The following OR11G2 variants were observed in gnomAD, a reference collection of about 807,000 sequenced individuals.
OR11G2 encodes the protein olfactory receptor 11G2.
Under a neutral mutation model 0.9 loss-of-function variants are expected in OR11G2, and 2 were observed. The observed-to-expected ratio is 2.35, with a 90% CI of 0.96 to 7.38. The LOEUF is 7.38. OR11G2 is among the 30% of genes most tolerant of loss of function. The pLI, the probability that OR11G2 is intolerant of heterozygous loss-of-function variation, is 0.05. For missense variants in OR11G2, 395 were observed against 371.3 expected (o/e 1.06, Z -0.52); for synonymous variants, 153 against 142.0 (o/e 1.08, Z -0.55).
intron 1 of OR11G2, among the ~76,000 whole-genome samples, chr14:20,196,243 T>C (rs1462432160): frequency 6.6e-6 from 1 of 152,238 alleles, no homozygotes; most frequent in African/African-American, 2.4e-5. Flanking sequence ...TTTTCTTGTA[T>C]CTGCTTTTTC....
rs370551188 is a variant in OR11G2, at chr14:20,197,818, C to T, written c.381C>T (p.Tyr127=). 12 of 1,613,932 alleles carry T rather than the reference C, an allele frequency of 7.4e-6. No homozygotes were observed. The South Asian group carries it at 1.2e-4, about 16-fold the overall frequency. Residue 127 remains tyrosine, a synonymous_variant, in exon 2 of 2, where the codon TAC becomes TAT. Coordinates refer to ENST00000641879, the MANE Select transcript of OR11G2 (RefSeq NM_001386033.1). ...TGGCAGTTATGGCATTTGATCGATA[C>T]CTTGCCATCTGTCGGCCTCTACGCT... is the stretch of plus-strand genomic sequence containing the variant. ...FFLAVMAFDR[Y]LAICRPLRYP...
intron 1 of OR11G2, 129 bp from the exon 2 acceptor site, chr14:20,197,305 T>C (rs1220008362): frequency 4.0e-6 from 5 of 1,242,356 alleles, no homozygotes; most frequent in Non-Finnish European, 5.6e-6. Context: ...TTCTGTTTTT[T>C]ACTTTTTACT....
Position 20,192,237 on chromosome 14 carries a change from C to T in OR11G2, c.-5+571C>T, listed in dbSNP as rs139543529. ...GAGAGACAAATGCAACAAACATCACCTCTAGATCCATAAAGTCTTCATATC... is the reference window on the plus strand; with the variant it reads ...GAGAGACAAATGCAACAAACATCACTTCTAGATCCATAAAGTCTTCATATC... On this transcript the variant is annotated intron_variant, in intron 1 of 1. Coordinates refer to ENST00000641879, the MANE Select transcript of OR11G2 (RefSeq NM_001386033.1). Among the ~76,000 whole-genome samples, 183 of 152,238 alleles carry T rather than the reference C, an allele frequency of 1.2e-3. 1 individual carries two copies. The highest frequency in any genetic ancestry group is 4.0e-3 in the African/African-American group (167 of 41,542).
At position 20,196,667 on chromosome 14, in the gene OR11G2, T is replaced by C. The variant is rs191047584; in HGVS notation, c.-4-767T>C. Among the ~76,000 whole-genome samples, 7 of 152,334 alleles carry C rather than the reference T, an allele frequency of 4.6e-5. No homozygotes were observed. In the East Asian group the frequency reaches 1.4e-3, roughly 29 times the overall value. Reference sequence around the variant, plus strand: ...TCAATTGTATCCATAATTTGTATTATTGGAATAGAATTATATCTTTAACTA... The same window carrying C: ...TCAATTGTATCCATAATTTGTATTACTGGAATAGAATTATATCTTTAACTA... On this transcript the variant is annotated intron_variant, in intron 1 of 1. Coordinates refer to ENST00000641879, the MANE Select transcript of OR11G2 (RefSeq NM_001386033.1).
At position 20,197,813 on chromosome 14, in the gene OR11G2, C is replaced by A. The variant is rs772866289; in HGVS notation, c.376C>A (p.Arg126=). Residue 126 remains arginine (R), a synonymous_variant, in exon 2 of 2, where the codon CGA becomes AGA. Coordinates refer to ENST00000641879, the MANE Select transcript of OR11G2 (RefSeq NM_001386033.1). ...TTTCCTGGCAGTTATGGCATTTGAT[C>A]GATACCTTGCCATCTGTCGGCCTCT... ...CFFLAVMAFD[R]YLAICRPLRY... 2 of 1,614,016 alleles carry A rather than the reference C, an allele frequency of 1.2e-6. No homozygotes were observed. The highest frequency in any genetic ancestry group is 1.1e-5 in the South Asian group (1 of 91,076).
intron 1 of OR11G2, among the ~76,000 whole-genome samples, chr14:20,196,437 G>A (rs2139111624): frequency 6.6e-6 from 1 of 152,268 alleles, no homozygotes; most frequent in South Asian, 2.1e-4. Flanking sequence ...TTTAGAAAGG[G>A]CTCTAACTAA....
rs751129203 is a variant in OR11G2 at position 20,198,406 on chromosome 14, T to A, written c.*33T>A. 2 of 1,430,134 alleles carry A rather than the reference T, an allele frequency of 1.4e-6. No homozygotes were observed. The highest frequency in any genetic ancestry group is 2.9e-5 in the African/African-American group (2 of 69,686). 88.6% of individuals were successfully genotyped at this position (1,430,134 alleles called of 1,614,324 possible). A position where few individuals can be genotyped will look rare whatever the true frequency, so the allele number is the denominator to read the frequency against. On this transcript the variant is annotated 3_prime_UTR_variant, in exon 2 of 2. Coordinates refer to ENST00000641879, the MANE Select transcript of OR11G2 (RefSeq NM_001386033.1). ...ATCAAAAAGGTCCTTGCGTAATTAA[T>A]CTTGTCTTTAATTTTGGGGTTTAAA... is the stretch of plus-strand genomic sequence containing the variant.
In OR11G2 at chr14:20,198,266, A is replaced by G. The variant is rs1333210530; in HGVS notation, c.829A>G (p.Thr277Ala). Residue 277 changes from threonine to alanine, a missense_variant, in exon 2 of 2, where the codon ACT (threonine) becomes GCT (alanine). Physicochemically the swap from Thr to Ala is moderately conservative, Grantham distance 58. Coordinates refer to ENST00000641879, the MANE Select transcript of OR11G2 (RefSeq NM_001386033.1). ...PSKNEAGKQK[T>A]VTLFYSVVTP... ...TAAGAATGAAGCTGGAAAGCAGAAG[A>G]CTGTGACTCTGTTTTATTCTGTTGT... is the stretch of plus-strand genomic sequence containing the variant. The G allele has an allele frequency of 6.2e-7, 1 of 1,613,626 alleles. No individual in the cohort carries two copies. Among genetic ancestry groups the G allele is most frequent in the African/African-American group, 1.3e-5 (1 of 75,028 alleles).
chr14:20,193,764 A>G (rs1005424680), intron 1 of OR11G2, among the ~76,000 whole-genome samples: 1 of 152,222 alleles, frequency 6.6e-6, no homozygotes, highest in Non-Finnish European at 1.5e-5. Flanking sequence ...TAGTTTTGAC[A>G]GAGACTATAG....
At position 20,198,066 on chromosome 14, in the gene OR11G2, C is replaced by G. The variant is rs2139114823; in HGVS notation, c.629C>G (p.Pro210Arg). 1 of 1,614,152 alleles carries G rather than the reference C, an allele frequency of 6.2e-7. No individual in the cohort carries two copies. The highest frequency in any genetic ancestry group is 1.6e-4 in the Middle Eastern group (1 of 6,062). Residue 210 changes from proline (P) to arginine (R), a missense_variant, in exon 2 of 2, where the codon CCT (proline) becomes CGT (arginine). By Grantham distance (103) the Pro-to-Arg change is moderately radical (BLOSUM62 -2). Transcript: ENST00000641879. ...ELVFSVLSPL[P>R]VFMLFLFIVG... Reference sequence around the variant, plus strand: ...GTCTTTTCTGTCTTAAGTCCTCTGCCTGTCTTTATGCTCTTTCTCTTCATT... The same window carrying G: ...GTCTTTTCTGTCTTAAGTCCTCTGCGTGTCTTTATGCTCTTTCTCTTCATT...
Position 20,198,591 on chromosome 14 carries a change from T to C in OR11G2, c.*218T>C, listed in dbSNP as rs1879832770. 9.9e-6 allele frequency: 3 copies of C among 303,292 alleles called. No individual in the cohort carries two copies. The highest frequency in any genetic ancestry group is 4.3e-5 in the African/African-American group (2 of 45,994). 18.8% of individuals were successfully genotyped at this position (303,292 alleles called of 1,614,324 possible). Reference sequence around the variant, plus strand: ...AAAAATACAAAAAATTAGCCGGGCGTGGTGGCGGACGCCTGTAGTCCCAGC... The same window carrying C: ...AAAAATACAAAAAATTAGCCGGGCGCGGTGGCGGACGCCTGTAGTCCCAGC... On this transcript the variant is annotated 3_prime_UTR_variant, in exon 2 of 2. Coordinates refer to ENST00000641879, the MANE Select transcript of OR11G2 (RefSeq NM_001386033.1).
Position 20,198,359 on chromosome 14 carries a change from T to C in OR11G2, c.922T>C (p.Phe308Leu). ...NKDMRKALKK[F>L]WGT ...AGATATGAGAAAAGCTCTGAAGAAA[T>C]TTTGGGGAACATAAAATGTTAATCA... Residue 308 changes from phenylalanine (F) to leucine (L), a missense_variant, in exon 2 of 2, where the codon TTT (phenylalanine) becomes CTT (leucine). Transcript: ENST00000641879. 1 of 1,556,466 alleles carries C rather than the reference T, an allele frequency of 6.4e-7. No individual in the cohort carries two copies. The highest frequency in any genetic ancestry group is 8.7e-7 in the Non-Finnish European group (1 of 1,155,898).
rs370189177 is a variant in OR11G2 at position 20,198,585 on chromosome 14, C to G, written c.*212C>G. The G allele has an allele frequency of 1.9e-5, 6 of 313,962 alleles. No homozygotes were observed. The highest frequency in any genetic ancestry group is 2.9e-5 in the Non-Finnish European group (5 of 170,794). 19.4% of individuals were successfully genotyped at this position (313,962 alleles called of 1,614,324 possible). ...CTACTAAAAAATACAAAAAATTAGC[C>G]GGGCGTGGTGGCGGACGCCTGTAGT... On this transcript the variant is annotated 3_prime_UTR_variant, in exon 2 of 2. Transcript: ENST00000641879.
rs148383085 is a variant in OR11G2 at position 20,191,108 on chromosome 14, C to G, written c.-563C>G. The stretch of plus-strand genomic sequence containing the variant: ...ACAAAGTTTCCAGGATTGGTAAAGC[C>G]TAGGTTGTAATTCAAGTCCTAGGCT... On this transcript the variant is annotated 5_prime_UTR_variant, in exon 1 of 2. Coordinates refer to ENST00000641879, the MANE Select transcript of OR11G2 (RefSeq NM_001386033.1). The G allele has an allele frequency of 3.3e-5, 5 of 152,238 alleles. No homozygotes were observed. The East Asian group carries it at 9.7e-4, about 29-fold the overall frequency. The allele number at this position is 152,238 out of a possible 1,614,324, so 9.4% of individuals were successfully genotyped here.
Position 20,197,396 on chromosome 14 carries a change from C to T in OR11G2, c.-4-38C>T, listed in dbSNP as rs374887720. 4.7e-5 allele frequency: 75 copies of T among 1,609,376 alleles called. No homozygotes were observed. Among genetic ancestry groups the T allele is most frequent in the Non-Finnish European group, 5.7e-5 (67 of 1,177,258 alleles). ...TCTGATTCCCCATCTATGTTTGCAC[C>T]GTCATTCAGTAATTGCTGGTGCTTT... is the stretch of plus-strand genomic sequence containing the variant. On this transcript the variant is annotated intron_variant, in intron 1 of 1. Coordinates refer to ENST00000641879, the MANE Select transcript of OR11G2 (RefSeq NM_001386033.1).
intron 1 of OR11G2, among the ~76,000 whole-genome samples, chr14:20,195,091 T>C (rs1879725099): frequency 6.6e-6 from 1 of 152,186 alleles, no homozygotes; most frequent in Non-Finnish European, 1.5e-5. Flanking sequence ...TTCCACCCTA[T>C]TCCCACCAAA....
In OR11G2 at chr14:20,199,623, T is replaced by G. The variant is rs1879860572; in HGVS notation, c.*1250T>G. 6.6e-6 allele frequency: 1 copy of G among 152,236 alleles called. No homozygotes were observed. The highest frequency in any genetic ancestry group is 2.4e-5 in the African/African-American group (1 of 41,454). The allele number at this position is 152,236 out of a possible 1,614,324, so 9.4% of individuals were successfully genotyped here. On this transcript the variant is annotated 3_prime_UTR_variant, in exon 2 of 2. Coordinates refer to ENST00000641879, the MANE Select transcript of OR11G2 (RefSeq NM_001386033.1). ...TCCAGATTTTACTGTTGATAGAAAT[T>G]ATTTTGGGTTTAGTACAAGTTTTTC...
chr14:20,197,940 C>A lies in OR11G2; in HGVS notation c.503C>A (p.Ser168Tyr), dbSNP rs1488379258. The change falls in exon 2 of 2, where the codon TCC (serine) becomes TAC (tyrosine). Residue 168 changes from serine to tyrosine, a missense_variant. Ser to Tyr is a moderately radical substitution (Grantham distance 144). Coordinates refer to ENST00000641879, the MANE Select transcript of OR11G2 (RefSeq NM_001386033.1). The stretch of plus-strand genomic sequence containing the variant: ...TTCTTGATTCCTATCGTCAACATCT[C>A]CCAAATGTCCTTCTGTGGATCTAGG... Reference protein sequence around the residue: ...IWFLIPIVNISQMSFCGSRII... With the variant: ...IWFLIPIVNIYQMSFCGSRII... 11 of 1,614,026 alleles carry A rather than the reference C, an allele frequency of 6.8e-6. No individual in the cohort carries two copies. The highest frequency in any genetic ancestry group is 9.3e-6 in the Non-Finnish European group (11 of 1,180,012).
At chr14:20,194,150 A>C (rs1879707452) in intron 1 of OR11G2, among the ~76,000 whole-genome samples, 1 of 152,200 alleles carries the variant, frequency 6.6e-6, no homozygotes, top group Admixed American at 6.5e-5. Context: ...TCAAAGTTTT[A>C]TTTTATTCAA....
Sources: gnomAD v4.1 joint callset for allele counts (sites outside exome capture counted in the v4.1 genomes callset) on GRCh38, gnomAD v4.1.1 for gene constraint, MANE v1.5 for transcripts, NCBI Gene and HGNC (gene_info 2026-07-23, HGNC 2026-07-21) for gene names.